Variants in ZNF536 observed in about 807,000 individuals in gnomAD.
The protein encoded by ZNF536 is zinc finger protein 536.
In ZNF536, 13 loss-of-function variants were observed where a neutral mutation model predicts 84.5. The observed-to-expected ratio is 0.15, with a 90% CI of 0.10 to 0.24. The LOEUF (loss-of-function observed/expected upper bound fraction) is 0.24. Ranked by LOEUF, ZNF536 falls within the 10% of genes least tolerant of loss-of-function variation. ZNF536 has a pLI of 1.00. For synonymous variants in ZNF536, 811 were observed against 742.5 expected (o/e 1.09, Z -1.50); for missense variants, 1,536 against 1,747.5 (o/e 0.88, Z 2.16).
At chr19:30,352,425 T>C (rs2047960737) in exon 3 of ZNF536, 1 of 152,262 alleles carries the variant, frequency 6.6e-6, no homozygotes, top group Admixed American at 6.5e-5. Flanking sequence ...TTATCCTTTC[T>C]GGGGCATTTT....
intron 1 of ZNF536, among the ~76,000 whole-genome samples, chr19:30,647,515 A>T (rs1341327607): frequency 6.6e-6 from 1 of 152,208 alleles, no homozygotes; most frequent in African/African-American, 2.4e-5. Flanking sequence ...GATTTCCTTC[A>T]GAAATATTTT....
intron 3 of ZNF536, among the ~76,000 whole-genome samples, chr19:30,358,135 G>C (rs542899073): frequency 1.3e-5 from 2 of 152,282 alleles, no homozygotes; most frequent in African/African-American, 4.8e-5. Flanking sequence ...AAGTGGTACT[G>C]TCCTCCTGAA....
At chr19:30,615,935 T>A (rs1477058596) in intron 1 of ZNF536, among the ~76,000 whole-genome samples, 2 of 152,208 alleles carry the variant, frequency 1.3e-5, no homozygotes, top group African/African-American at 4.8e-5. Context: ...TCTCATTGTA[T>A]CCCATTGTAA....
At chr19:30,687,059 T>A (rs578239917) in intron 1 of ZNF536, among the ~76,000 whole-genome samples, 1 of 152,158 alleles carries the variant, frequency 6.6e-6, no homozygotes, top group Admixed American at 6.5e-5. Context: ...AGCGAGGAGA[T>A]AGCAAGACTG....
At chr19:30,427,162 G>T (rs2051250978) in intron 1 of ZNF536, among the ~76,000 whole-genome samples, 1 of 152,206 alleles carries the variant, frequency 6.6e-6, no homozygotes, top group African/African-American at 2.4e-5. Flanking sequence ...ATCAGACCAA[G>T]TGTCAAGGAG....
At position 30,444,708 on chromosome 19, in the gene ZNF536, C is replaced by T; in HGVS notation, c.1146C>T (p.Phe382=). The part of the protein sequence containing the change: ...EHCCQICGRR[F]KEPWFLKNHM... ...GCTGCCAGATCTGCGGCCGGCGCTTCAAGGAGCCCTGGTTCCTCAAGAACC... is the reference window on the plus strand; with the variant it reads ...GCTGCCAGATCTGCGGCCGGCGCTTTAAGGAGCCCTGGTTCCTCAAGAACC... Residue 382 remains phenylalanine, a synonymous_variant, in exon 2 of 5, where the codon TTC becomes TTT. Coordinates refer to ENST00000355537, the MANE Select transcript of ZNF536 (RefSeq NM_014717.3). The T allele has an allele frequency of 6.2e-7, 1 of 1,613,970 alleles. No individual in the cohort carries two copies. Among genetic ancestry groups the T allele is most frequent in the South Asian group, 1.1e-5 (1 of 91,082 alleles).
rs1329095572 is a variant in ZNF536 at position 30,546,103 on chromosome 19, G to A, written c.2324-1840G>A. On this transcript the variant is annotated intron_variant, in intron 3 of 4. Transcript: ENST00000355537. Reference sequence around the variant, plus strand: ...TGCCTCTGTTACACCTGATCACTGGGCTTCCAGATAAGCTGAATCAGCCAT... The same window carrying A: ...TGCCTCTGTTACACCTGATCACTGGACTTCCAGATAAGCTGAATCAGCCAT... Among the ~76,000 whole-genome samples, 4 of 152,170 alleles carry A rather than the reference G, an allele frequency of 2.6e-5. No homozygotes were observed. In the East Asian group the frequency reaches 7.7e-4, roughly 29 times the overall value.
intron 1 of ZNF536, among the ~76,000 whole-genome samples, chr19:30,434,438 C>T (rs1337414761): frequency 6.6e-6 from 1 of 152,180 alleles, no homozygotes; most frequent in East Asian, 1.9e-4. Context: ...CCAGGCATTT[C>T]CCAAATGACT....
At position 30,443,821 on chromosome 19, in the gene ZNF536, C is replaced by G. The variant is rs549028196; in HGVS notation, c.259C>G (p.Gln87Glu). The change falls in exon 2 of 5, where the codon CAG becomes GAG. Residue 87 changes from glutamine (Q) to glutamate (E), a missense_variant. Around this residue, in one of 8 missense-constraint regions of ZNF536, gnomAD observed 161 missense variants for 178.5 expected, o/e 0.90. Transcript: ENST00000355537. ...MGSQMALLANQLGREVDTSLN... is the reference protein window; with the variant it reads ...MGSQMALLANELGREVDTSLN... ...CAGTCAGATGGCGCTCCTGGCCAAC[C>G]AGCTGGGCCGGGAGGTGGACACCAG... 6.2e-7 allele frequency: 1 copy of G among 1,613,260 alleles called. No individual in the cohort carries two copies. The highest frequency in any genetic ancestry group is 1.3e-5 in the African/African-American group (1 of 75,074).
intron 1 of ZNF536, among the ~76,000 whole-genome samples, chr19:30,622,959 C>CAA (rs2048537218): frequency 1.3e-5 from 2 of 149,566 alleles, no homozygotes; most frequent in African/African-American, 4.9e-5. Context: ...TTTTTTTTTT[C>CAA]TTTTATCTCT....
chr19:30,449,833 C>G lies in ZNF536; in HGVS notation c.2170+4101C>G, dbSNP rs138181443. On this transcript the variant is annotated intron_variant, in intron 2 of 4. Coordinates refer to ENST00000355537, the MANE Select transcript of ZNF536 (RefSeq NM_014717.3). ...GAGCTGCATTCCTGAAATGCTGGGT[C>G]TCCATCCCATTGACCACAGCATCAA... is the stretch of plus-strand genomic sequence containing the variant. Among the ~76,000 whole-genome samples the G allele has an allele frequency of 5.9e-3, 902 of 152,286 alleles. 9 individuals are homozygous for G. The highest frequency in any genetic ancestry group is 8.1e-3 in the Non-Finnish European group (549 of 68,018).
At chr19:30,638,655 C>G (rs1013517350) in intron 1 of ZNF536, among the ~76,000 whole-genome samples, 3 of 152,194 alleles carry the variant, frequency 2.0e-5, no homozygotes, top group Non-Finnish European at 2.9e-5. Context: ...TTACAATTCT[C>G]TACATCAGAT....
At position 30,624,386 on chromosome 19, in the gene ZNF536, G is replaced by C. The variant is rs143143663; in HGVS notation, c.169+74872G>C. Among the ~76,000 whole-genome samples, 152 of 152,292 alleles carry C rather than the reference G, an allele frequency of 1.0e-3. 1 individual carries two copies. Among genetic ancestry groups the C allele is most frequent in the African/African-American group, 3.1e-3 (129 of 41,554 alleles). ...GCTGCCCTTACCTCATCAACTGCTA[G>C]CTCCCCTGGGAATCTGAGCCCGAGC... is the stretch of plus-strand genomic sequence containing the variant. On this transcript the variant is annotated intron_variant, in intron 1 of 1. Coordinates refer to the ZNF536 transcript ENST00000592773.
chr19:30,580,134 A>G (rs1161243405), intron 1 of ZNF536, among the ~76,000 whole-genome samples: 1 of 152,014 alleles, frequency 6.6e-6, no homozygotes, highest in African/African-American at 2.4e-5. Context: ...CAGGGGATCC[A>G]TGTTCACCCA....
chr19:30,310,372 G>T (rs976935704), intron 2 of ZNF536, among the ~76,000 whole-genome samples: 1 of 152,180 alleles, frequency 6.6e-6, no homozygotes, highest in Admixed American at 6.5e-5. Flanking sequence ...GATTCTTCAA[G>T]TGCTGACATC....
chr19:30,567,107 CT>C (rs2046380795), intron 1 of ZNF536, among the ~76,000 whole-genome samples: 1 of 152,236 alleles, frequency 6.6e-6, no homozygotes, highest in Non-Finnish European at 1.5e-5. Flanking sequence ...CTTGCGGGTG[CT>C]TTTCTGTGCC....
intron 2 of ZNF536, among the ~76,000 whole-genome samples, chr19:30,289,592 G>T (rs1359789968): frequency 6.6e-6 from 1 of 152,186 alleles, no homozygotes; most frequent in Non-Finnish European, 1.5e-5. Context: ...AGGCCCAGGG[G>T]TGCTTCTCTC....
At chr19:30,259,509 C>A (rs1426886058) in intron 1 of ZNF536, among the ~76,000 whole-genome samples, 1 of 152,204 alleles carries the variant, frequency 6.6e-6, no homozygotes, top group Non-Finnish European at 1.5e-5. Flanking sequence ...GCCCAGCAGT[C>A]CATGTTTTAA....
intron 2 of ZNF536, among the ~76,000 whole-genome samples, chr19:30,471,250 A>G (rs1166823455): frequency 6.6e-6 from 1 of 152,120 alleles, no homozygotes; most frequent in East Asian, 1.9e-4. Flanking sequence ...ATCACTGATA[A>G]TGTTGATCTT....
Sources: allele counts gnomAD v4.1 joint callset (sites outside exome capture counted in the v4.1 genomes callset), GRCh38; gene constraint gnomAD v4.1.1; regional missense constraint gnomAD v4.1.1; transcripts MANE v1.5; gene names NCBI Gene and HGNC (gene_info 2026-07-23, HGNC 2026-07-21).